CPNE4: variants seen among roughly 807,000 people sequenced by gnomAD.
CPNE4 encodes copine 4.
Under a neutral mutation model 67.9 loss-of-function variants are expected in CPNE4, and 25 were observed. The ratio of observed to expected loss-of-function variants is 0.37; its 90% CI spans 0.27 to 0.51. The LOEUF is 0.51. Among genes scored for constraint, CPNE4 ranks in the 20% least tolerant of loss-of-function variants. The pLI is 0.93. For synonymous variants in CPNE4, 242 were observed against 244.9 expected, an observed-to-expected ratio of 0.99 and a Z score of 0.11; for missense variants, 464 against 690.8, an observed-to-expected ratio of 0.67 and a Z score of 3.68.
intron 2 of CPNE4, among the ~76,000 whole-genome samples, chr3:131,735,570 G>T (rs982350536): frequency 6.6e-6 from 1 of 152,160 alleles, no homozygotes; most frequent in East Asian, 1.9e-4. Context: ...TTCCAAACTT[G>T]TTTAGCCCTC....
chr3:131,978,694 G>C (rs1212805841), intron 1 of CPNE4, among the ~76,000 whole-genome samples: 2 of 147,286 alleles, frequency 1.4e-5, no homozygotes. Flanking sequence ...ATTTCATTTA[G>C]TTCTGCTCTG....
chr3:131,689,858 G>C (rs2080990882), intron 5 of CPNE4, among the ~76,000 whole-genome samples: 1 of 152,142 alleles, frequency 6.6e-6, no homozygotes, highest in Admixed American at 6.6e-5. Flanking sequence ...CTTCAGCAAA[G>C]TTTCCGAATA....
At chr3:131,701,585 T>C (rs1033747749) in intron 3 of CPNE4, among the ~76,000 whole-genome samples, 1 of 152,164 alleles carries the variant, frequency 6.6e-6, no homozygotes, top group Non-Finnish European at 1.5e-5. Context: ...AGCTGACAGA[T>C]TGTGAGTAGT....
At chr3:132,021,722 T>C (rs1462612423) in intron 1 of CPNE4, among the ~76,000 whole-genome samples, 2 of 152,206 alleles carry the variant, frequency 1.3e-5, no homozygotes, top group East Asian at 1.9e-4. Flanking sequence ...GACTTCAAGT[T>C]TGCCTTAATC....
At chr3:131,879,057 T>C (rs2087565661) in intron 2 of CPNE4, among the ~76,000 whole-genome samples, 1 of 152,232 alleles carries the variant, frequency 6.6e-6, no homozygotes, top group African/African-American at 2.4e-5. Context: ...GTGCGTCTGT[T>C]TCATTTGGTA....
At chr3:131,964,347 G>A (rs753987783) in intron 1 of CPNE4, among the ~76,000 whole-genome samples, 5 of 151,854 alleles carry the variant, frequency 3.3e-5, no homozygotes, top group Non-Finnish European at 5.9e-5. Context: ...CTCCAGCAAG[G>A]GCACAAAACT....
chr3:132,039,099 A>G (rs146869151), upstream of CPNE4, among the ~76,000 whole-genome samples: 470 of 152,378 alleles, frequency 3.1e-3, 4 homozygotes, highest in African/African-American at 0.011. Context: ...AGTAGCTAAC[A>G]TCTTGGATAG....
At chr3:131,665,477 G>C (rs2080234093) in intron 7 of CPNE4, among the ~76,000 whole-genome samples, 1 of 152,040 alleles carries the variant, frequency 6.6e-6, no homozygotes, top group Non-Finnish European at 1.5e-5. Context: ...TGGCCAACAT[G>C]GTGAAACCCT....
At chr3:131,980,834 A>G (rs988503313) in intron 1 of CPNE4, among the ~76,000 whole-genome samples, 1 of 151,944 alleles carries the variant, frequency 6.6e-6, no homozygotes, top group African/African-American at 2.4e-5. Context: ...TGTCAGAGGG[A>G]AGGTCTAGGG....
At chr3:131,856,829 G>A (rs1349157894) in intron 2 of CPNE4, among the ~76,000 whole-genome samples, 2 of 151,970 alleles carry the variant, frequency 1.3e-5, no homozygotes, top group Admixed American at 6.6e-5. Flanking sequence ...CTATTATACA[G>A]ATGAACAAAA....
intron 6 of CPNE4, among the ~76,000 whole-genome samples, chr3:131,676,895 C>T (rs113569539): frequency 0.12 from 18,802 of 151,964 alleles, 2,418 homozygotes; most frequent in East Asian, 0.62. Context: ...GGTATATATC[C>T]AGTAATGAGA....
intron 15 of CPNE4, among the ~76,000 whole-genome samples, chr3:131,536,519 C>T (rs1935154531): frequency 6.6e-6 from 1 of 152,246 alleles, no homozygotes; most frequent in Non-Finnish European, 1.5e-5. Context: ...ACCATGTGAC[C>T]TGGTTTTCAG....
chr3:131,796,195 CA>C (rs2083913392), intron 2 of CPNE4, among the ~76,000 whole-genome samples: 1 of 151,762 alleles, frequency 6.6e-6, no homozygotes, highest in Non-Finnish European at 1.5e-5. Flanking sequence ...GCTCTTCCAT[CA>C]CAGCTGTCCA....
chr3:132,009,474 A>C (rs1449439867), intron 1 of CPNE4, among the ~76,000 whole-genome samples: 1 of 152,190 alleles, frequency 6.6e-6, no homozygotes, highest in African/African-American at 2.4e-5. Flanking sequence ...TAGCACAGGG[A>C]AGAGCACATT....
chr3:131,670,786 C>A (rs936298015), intron 6 of CPNE4, among the ~76,000 whole-genome samples: 1 of 149,292 alleles, frequency 6.7e-6, no homozygotes, highest in South Asian at 2.2e-4. Flanking sequence ...CTTAGGAAGT[C>A]TTTAGTTAGT....
At chr3:131,797,237 C>A (rs909627005) in intron 2 of CPNE4, among the ~76,000 whole-genome samples, 3 of 152,186 alleles carry the variant, frequency 2.0e-5, no homozygotes, top group Non-Finnish European at 2.9e-5. Flanking sequence ...TAGCTTCAAT[C>A]TTTTCTCAGA....
upstream of CPNE4, chr3:132,037,920 C>A (rs553385243): frequency 6.2e-5 from 16 of 257,698 alleles, no homozygotes; most frequent in South Asian, 1.5e-3. Context: ...TGCCCTGCAT[C>A]AAAAACCTTG....
At chr3:131,612,467 T>C (rs1939907446) in intron 7 of CPNE4, among the ~76,000 whole-genome samples, 1 of 152,196 alleles carries the variant, frequency 6.6e-6, no homozygotes, top group South Asian at 2.1e-4. Flanking sequence ...CCTCTGTGGT[T>C]AGGTAAGGTT....
chr3:131,729,999 C>A (rs1314010173), intron 2 of CPNE4, among the ~76,000 whole-genome samples: 2 of 152,206 alleles, frequency 1.3e-5, no homozygotes, highest in Non-Finnish European at 2.9e-5. Flanking sequence ...CTTCTTCAAG[C>A]CTTACCCTCA....
Sources: allele counts gnomAD v4.1 joint callset (sites outside exome capture counted in the v4.1 genomes callset), GRCh38; gene constraint gnomAD v4.1.1; transcripts MANE v1.5; gene names NCBI Gene and HGNC (gene_info 2026-07-23, HGNC 2026-07-21).